Variants in PECR observed in about 807,000 individuals in gnomAD.
The protein encoded by PECR is 2,4-dienoyl-CoA reductase-related protein.
PECR carries 30 observed loss-of-function variants against 35.3 expected under a neutral mutation model. That is an observed-to-expected ratio of 0.85 (90% CI 0.64 to 1.15). The LOEUF is 1.15. Ranked by LOEUF, PECR falls within the 50% of genes most tolerant of loss-of-function variation. PECR has a pLI of 0.00. For synonymous variants in PECR, 148 were observed against 138.9 expected (o/e 1.07, Z -0.46); for missense variants, 392 against 370.8 (o/e 1.06, Z -0.47).
At chr2:216,034,137 A>C (rs1426293028), downstream of PECR, 2 of 152,254 alleles carry the variant, frequency 1.3e-5, no homozygotes, top group African/African-American at 4.8e-5. Context: ...GCCACTGCCC[A>C]GACAGGCTGG....
At chr2:216,049,947 G>C (rs6709082) in intron 5 of PECR, among the ~76,000 whole-genome samples, 1 of 152,222 alleles carries the variant, frequency 6.6e-6, no homozygotes, top group African/African-American at 2.4e-5. Flanking sequence ...GCCAGGTGCA[G>C]TGGCTCATGC....
At chr2:216,046,310 ATTTTTTT>A (rs869225237) in intron 6 of PECR, among the ~76,000 whole-genome samples, 11 of 96,974 alleles carry the variant, frequency 1.1e-4, no homozygotes, top group Non-Finnish European at 1.7e-4. Context: ...ATATATATAT[ATTTTTTT>A]TTTTTTTTTT....
At chr2:216,043,037 G>GTATATATACACATACGTATATATGTA in intron 7 of PECR, among the ~76,000 whole-genome samples, 1 of 32,160 alleles carries the variant, frequency 3.1e-5, no homozygotes, top group Non-Finnish European at 6.8e-5. Flanking sequence ...ATATATGTAT[G>GTATATATACACATACGTATATATGTA]TGTATATATA....
At chr2:216,051,281 C>CAAAAAAAAAAAAAA in intron 5 of PECR, among the ~76,000 whole-genome samples, 168 bp downstream of exon 5, 1 of 93,168 alleles carries the variant, frequency 1.1e-5, no homozygotes, top group Non-Finnish European at 2.0e-5. Flanking sequence ...GACTCCATCT[C>CAAAAAAAAAAAAAA]AAAAAAAAAA....
intron 3 of PECR, among the ~76,000 whole-genome samples, chr2:216,064,951 T>C (rs1695434528): frequency 6.6e-6 from 1 of 152,228 alleles, no homozygotes; most frequent in Non-Finnish European, 1.5e-5. Context: ...GTCTCTGGTA[T>C]TCTCCCTGAA....
At chr2:216,073,815 G>A (rs183442428) in intron 1 of PECR, among the ~76,000 whole-genome samples, 1 of 152,260 alleles carries the variant, frequency 6.6e-6, no homozygotes, top group African/African-American at 2.4e-5. Context: ...TATAAACCAT[G>A]TATATAGTAG....
chr2:216,033,462 A>G (rs1241851818), downstream of PECR, among the ~76,000 whole-genome samples: 1 of 152,114 alleles, frequency 6.6e-6, no homozygotes, highest in Non-Finnish European at 1.5e-5. Flanking sequence ...TACTTCATGG[A>G]AAGAGAGAAT....
downstream of PECR, chr2:216,038,347 T>A (rs1694833225): frequency 6.6e-6 from 1 of 152,124 alleles, no homozygotes; most frequent in African/African-American, 2.4e-5. Context: ...AGGGAATACT[T>A]TGGACAGAAA....
chr2:216,045,125 G>A (rs1298260440), intron 6 of PECR, among the ~76,000 whole-genome samples: 2 of 152,216 alleles, frequency 1.3e-5, no homozygotes, highest in African/African-American at 4.8e-5. Context: ...CAGAGGGAGT[G>A]GGTCCTTAAA....
In PECR at chr2:216,049,326, TC is replaced by T; in HGVS notation, c.650del (p.Gly217AspfsTer77). 1 of 1,604,942 alleles carries T rather than the reference TC, an allele frequency of 6.2e-7. No individual in the cohort carries two copies. Among genetic ancestry groups the T allele is most frequent in the Non-Finnish European group, 8.5e-7 (1 of 1,171,586 alleles). ...QTAVENYGSW[G>X]QSFFEGSFQK... ...GAAAAGACCCTTCAAAGAAGCTTTG[TC>T]CCCAGGAACCATAGTTCTCCACAGC... On this transcript the variant is annotated frameshift_variant, in exon 6 of 8. Coordinates refer to ENST00000265322, the MANE Select transcript of PECR (RefSeq NM_018441.6). LOFTEE classifies it high-confidence loss of function.
At chr2:216,029,972 G>T (rs566649672) in intron 7 of PECR, among the ~76,000 whole-genome samples, 1 of 152,276 alleles carries the variant, frequency 6.6e-6, no homozygotes, top group East Asian at 1.9e-4. Flanking sequence ...GGTCACATGG[G>T]CTTCTCATAT....
rs1694929974 is a variant in PECR at position 216,043,194 on chromosome 2, GCC to G, written c.826+708_826+709del. 1.3e-5 allele frequency among the ~76,000 whole-genome samples: 2 copies of G among 150,820 alleles called. 1 individual carries two copies. Among genetic ancestry groups the G allele is most frequent in the Middle Eastern group, 6.4e-3 (2 of 312 alleles). On this transcript the variant is annotated intron_variant, in intron 7 of 7. Coordinates refer to ENST00000265322, the MANE Select transcript of PECR (RefSeq NM_018441.6). ...ACAATCTCGGCTCACTGCAACCTCC[GCC>G]TCCCGGGTTCACACCATTCTCCTGC...
chr2:216,038,152 A>G (rs138849137), downstream of PECR, among the ~76,000 whole-genome samples: 162 of 152,272 alleles, frequency 1.1e-3, no homozygotes, highest in African/African-American at 3.8e-3. Flanking sequence ...TAGCTACTTC[A>G]CCTCAGATAC....
At chr2:216,046,446 G>T (rs1467706768) in intron 6 of PECR, among the ~76,000 whole-genome samples, 1 of 151,304 alleles carries the variant, frequency 6.6e-6, no homozygotes, top group African/African-American at 2.4e-5. Flanking sequence ...AGGTAACTGG[G>T]ACTACAGGCA....
chr2:216,030,536 C>G (rs936668363), intron 7 of PECR, among the ~76,000 whole-genome samples: 1 of 151,432 alleles, frequency 6.6e-6, no homozygotes, highest in African/African-American at 2.4e-5. Flanking sequence ...TATTGTTACC[C>G]AAAATATTTT....
chr2:216,076,360 C>G (rs1431576949), intron 1 of PECR, among the ~76,000 whole-genome samples: 1 of 151,914 alleles, frequency 6.6e-6, no homozygotes, highest in Admixed American at 6.6e-5. Flanking sequence ...ACCACATGTG[C>G]CACAATGTTT....
At chr2:216,046,369 G>A (rs1171309463) in intron 6 of PECR, among the ~76,000 whole-genome samples, 1 of 141,518 alleles carries the variant, frequency 7.1e-6, no homozygotes, top group Non-Finnish European at 1.5e-5. Context: ...GGAGTGCAGT[G>A]GCGCAATCTC....
chr2:216,029,184 G>C (rs988283453), intron 7 of PECR, among the ~76,000 whole-genome samples: 2 of 152,212 alleles, frequency 1.3e-5, no homozygotes, highest in African/African-American at 4.8e-5. Context: ...CAGATGTAAA[G>C]AAGGATTGAG....
intron 6 of PECR, among the ~76,000 whole-genome samples, chr2:216,047,353 G>A (rs1329066387): frequency 6.6e-6 from 1 of 151,816 alleles, no homozygotes; most frequent in Non-Finnish European, 1.5e-5. Flanking sequence ...ATAAAAGCTA[G>A]TTCTAAGCAT....
Sources: gnomAD v4.1 joint callset for allele counts (sites outside exome capture counted in the v4.1 genomes callset) on GRCh38, gnomAD v4.1.1 for gene constraint, MANE v1.5 for transcripts, NCBI Gene and HGNC (gene_info 2026-07-23, HGNC 2026-07-21) for gene names.